Variants in FSCN2 observed in about 807,000 individuals in gnomAD.
The protein encoded by FSCN2 is fascin actin-bundling protein 2, retinal.
A neutral mutation model predicts 37.8 loss-of-function variants in FSCN2; 46 were observed. That is an observed-to-expected ratio of 1.22 (90% confidence interval 0.96 to 1.56). FSCN2 has a LOEUF of 1.56. Ranked by LOEUF, FSCN2 falls within the 40% of genes most tolerant of loss-of-function variation. The probability of loss-of-function intolerance (pLI) is 0.00; values close to 1 mark genes in which losing one functional copy is unlikely to be tolerated. For synonymous variants in FSCN2, 351 were observed against 309.4 expected (o/e 1.13, Z -1.41); for missense variants, 844 against 730.4 (o/e 1.16, Z -1.79).
At chr17:81,525,617 C>G (rs997454285), upstream of FSCN2, among the ~76,000 whole-genome samples, 1 of 139,852 alleles carries the variant, frequency 7.2e-6, no homozygotes, top group Admixed American at 7.1e-5. Context: ...CCCAGCAACT[C>G]GGGAGGCCGA....
rs781785957 is a variant in FSCN2 at position 81,529,342 on chromosome 17, G to A, written c.811G>A (p.Val271Ile). Residue 271 changes from valine (V) to isoleucine (I), a missense_variant, in exon 1 of 5, where the codon GTC becomes ATC. By Grantham distance (29) the Val-to-Ile change is conservative. Transcript: ENST00000417245. ...VVLVAANHRY[V>I]SVRQGVNVSA... Reference sequence around the variant, plus strand: ...GCTGGTGGCTGCCAACCACCGCTACGTCTCTGTGCGGCAAGGTAGGGAGGG... The same window carrying A: ...GCTGGTGGCTGCCAACCACCGCTACATCTCTGTGCGGCAAGGTAGGGAGGG... The A allele has an allele frequency of 4.6e-5, 71 of 1,546,640 alleles. No homozygotes were observed. Among genetic ancestry groups the A allele is most frequent in the African/African-American group, 1.5e-4 (11 of 73,572 alleles).
rs201054437 is a variant in FSCN2, at chr17:81,536,872, C to T, written c.1274-3C>T. 260 of 1,567,430 alleles carry T rather than the reference C, an allele frequency of 1.7e-4. 1 individual carries two copies. In the African/African-American group the frequency reaches 2.9e-3, roughly 18 times the overall value. ...CCCCCGCCGACGCCGTCCCGTCCCC[C>T]AGGCCGCGACGGAGGGTTCTGGTAC... On this transcript the variant is annotated splice_polypyrimidine_tract_variant and splice_region_variant and intron_variant, in intron 4 of 4. Coordinates refer to ENST00000417245, the MANE Select transcript of FSCN2 (RefSeq NM_012418.4).
chr17:81,534,708 A>G (rs987762874), intron 1 of FSCN2, among the ~76,000 whole-genome samples: 2 of 151,716 alleles, frequency 1.3e-5, no homozygotes, highest in Admixed American at 6.6e-5. Context: ...TTATAAATAG[A>G]GGCTGGGGTA....
At chr17:81,531,252 A>ATGGTGATGATGGTGG (rs2032550906) in intron 1 of FSCN2, among the ~76,000 whole-genome samples, 1 of 89,340 alleles carries the variant, frequency 1.1e-5, no homozygotes, top group Non-Finnish European at 2.2e-5. Context: ...GATGATGGTG[A>ATGGTGATGATGGTGG]TGGTGATGAT....
upstream of FSCN2, among the ~76,000 whole-genome samples, chr17:81,525,949 G>A (rs2032337455): frequency 6.6e-6 from 1 of 152,150 alleles, no homozygotes; most frequent in Non-Finnish European, 1.5e-5. Context: ...CCACCCTTCA[G>A]TCACCCTCCC....
intron 1 of FSCN2, among the ~76,000 whole-genome samples, chr17:81,533,720 C>A (rs946031151): frequency 4.6e-5 from 7 of 152,206 alleles, no homozygotes; most frequent in Admixed American, 6.5e-5. Flanking sequence ...GTTGCCCAGA[C>A]CAAGGCGGAC....
intron 1 of FSCN2, chr17:81,530,240 A>G: frequency 3.7e-6 from 1 of 273,938 alleles, no homozygotes; most frequent in Non-Finnish European, 7.2e-6. Context: ...GGGGGGCTTA[A>G]GGTCAGCTCC....
upstream of FSCN2, chr17:81,527,291 CCT>C (rs1390512482): frequency 5.2e-5 from 8 of 152,440 alleles, no homozygotes; most frequent in East Asian, 1.9e-4. Context: ...GCCTGTGGCC[CCT>C]GTTCCCAGTC....
chr17:81,529,158 C>T lies in FSCN2; in HGVS notation c.627C>T (p.Cys209=), dbSNP rs2143850841. The change falls in exon 1 of 5, where the codon TGC becomes TGT. Residue 209 remains cysteine (C), a synonymous_variant. Coordinates refer to ENST00000417245, the MANE Select transcript of FSCN2 (RefSeq NM_012418.4). ...TCTGGGAGCCTGAGCCCCGTGCCTG[C>T]TACACGCTGGAGTTCAAGGCGGGCA... is the stretch of plus-strand genomic sequence containing the variant. ...RLVWEPEPRA[C]YTLEFKAGKL... is the part of the protein sequence containing the mutation. 6.3e-7 allele frequency: 1 copy of T among 1,587,742 alleles called. No individual in the cohort carries two copies. The highest frequency in any genetic ancestry group is 1.8e-5 in the Admixed American group (1 of 56,042).
chr17:81,535,136 C>A lies in FSCN2; in HGVS notation c.911C>A (p.Thr304Asn). 1 of 1,533,752 alleles carries A rather than the reference C, an allele frequency of 6.5e-7. No individual in the cohort carries two copies. Reference sequence around the variant, plus strand: ...ATTGACCAGGAGACAAAGAAGTGCACCTTCTATTCCAGCACTGGGGGCTAC... The same window carrying A: ...ATTGACCAGGAGACAAAGAAGTGCAACTTCTATTCCAGCACTGGGGGCTAC... ...MQIDQETKKCTFYSSTGGYWT... is the reference protein window; with the variant it reads ...MQIDQETKKCNFYSSTGGYWT... Residue 304 changes from threonine (T) to asparagine (N), a missense_variant, in exon 2 of 5, where the codon ACC becomes AAC. By Grantham distance (65) the Thr-to-Asn change is moderately conservative. Coordinates refer to ENST00000417245, the MANE Select transcript of FSCN2 (RefSeq NM_012418.4).
chr17:81,516,207 G>A, the FSCN2 span, among the ~76,000 whole-genome samples: 1 of 152,256 alleles, frequency 6.6e-6, no homozygotes, highest in African/African-American at 2.4e-5. Flanking sequence ...AGGAACAGTG[G>A]TGGAAGAACT....
At chr17:81,520,912 A>C in the FSCN2 span, among the ~76,000 whole-genome samples, 1 of 151,886 alleles carries the variant, frequency 6.6e-6, no homozygotes, top group Non-Finnish European at 1.5e-5. Context: ...GATTTCTGTT[A>C]ATTGGGCATT....
At position 81,536,704 on chromosome 17, in the gene FSCN2, C is replaced by A. The variant is rs370208434; in HGVS notation, c.1188C>A (p.His396Gln). 423 of 1,611,312 alleles carry A rather than the reference C, an allele frequency of 2.6e-4. No homozygotes were observed. Among genetic ancestry groups the A allele is most frequent in the Non-Finnish European group, 3.5e-4 (410 of 1,179,470 alleles). The change falls in exon 4 of 5, where the codon CAC becomes CAA. Residue 396 changes from histidine to glutamine, a missense_variant. His to Gln is a conservative substitution (Grantham distance 24, BLOSUM62 0). Transcript: ENST00000417245. ...GCCTGGACGGCTTCGTCTGCCACCA[C>A]CGCGGCTCCAACCAGCTGGACACCA... Reference protein sequence around the residue: ...LRGLDGFVCHHRGSNQLDTNR... With the variant: ...LRGLDGFVCHQRGSNQLDTNR...
chr17:81,528,735 C>A lies in FSCN2; in HGVS notation c.204C>A (p.Tyr68Ter). 9 of 1,594,814 alleles carry A rather than the reference C, an allele frequency of 5.6e-6. No individual in the cohort carries two copies. The highest frequency in any genetic ancestry group is 7.7e-6 in the Non-Finnish European group (9 of 1,171,842). ...TCCGCAGCAGCCACCTGGGCCGCTACCTGTCGGCAGAAGAGGACGGGCGCG... is the reference window on the plus strand; with the variant it reads ...TCCGCAGCAGCCACCTGGGCCGCTAACTGTCGGCAGAAGAGGACGGGCGCG... ...VLLRSSHLGR[Y>*]LSAEEDGRVA... The change falls in exon 1 of 5, where the codon TAC (tyrosine) becomes TAA (stop). Residue 68 changes from tyrosine (Y) to a stop codon, truncating the protein, a stop_gained. Transcript: ENST00000417245. LOFTEE classifies it high-confidence loss of function.
upstream of FSCN2, among the ~76,000 whole-genome samples, chr17:81,525,425 CAAAA>C (rs1202765459): frequency 2.1e-5 from 1 of 47,856 alleles, no homozygotes. Flanking sequence ...GACTCTGTCT[CAAAA>C]AAAAAAAAAA....
intron 1 of FSCN2, among the ~76,000 whole-genome samples, chr17:81,532,214 GATGGTGATGATGATA>G (rs1280450522): frequency 5.3e-5 from 8 of 150,442 alleles, no homozygotes; most frequent in Non-Finnish European, 1.0e-4. Flanking sequence ...TGATGATAGT[GATGGTGATGATGATA>G]ATGGTGATGA....
chr17:81,532,602 ATGG>A (rs2032728348), intron 1 of FSCN2, among the ~76,000 whole-genome samples: 1 of 139,124 alleles, frequency 7.2e-6, no homozygotes, highest in Non-Finnish European at 1.5e-5. Context: ...GATGGTGATG[ATGG>A]TGATGGTGAT....
At chr17:81,536,320 A>G in intron 3 of FSCN2, 53 bp downstream of exon 3, 3 of 1,559,408 alleles carry the variant, frequency 1.9e-6, no homozygotes, top group Non-Finnish European at 2.6e-6. Flanking sequence ...CACCCAGGGA[A>G]AGGACCTGCC....
At chr17:81,532,059 GTGATGATAGTGATGGTGGTGA>G (rs1693090231) in intron 1 of FSCN2, among the ~76,000 whole-genome samples, 1 of 128,590 alleles carries the variant, frequency 7.8e-6, no homozygotes, top group Non-Finnish European at 1.7e-5. Context: ...GATGGTGATG[GTGATGATAGTGATGGTGGTGA>G]TGGTGATGGT....
Sources: allele counts gnomAD v4.1 joint callset (sites outside exome capture counted in the v4.1 genomes callset), GRCh38; gene constraint gnomAD v4.1.1; transcripts MANE v1.5; gene names NCBI Gene and HGNC (gene_info 2026-07-23, HGNC 2026-07-21).